Variants in DACH1 observed in about 807,000 individuals in gnomAD.
DACH1 encodes dachshund family transcription factor 1, also known as dachshund homolog 1.
A neutral mutation model predicts 54.2 loss-of-function variants in DACH1; 12 were observed. That is an observed-to-expected ratio of 0.22 (90% CI 0.14 to 0.36). DACH1 has a LOEUF of 0.36. Ranked by LOEUF, DACH1 falls within the 10% of genes least tolerant of loss-of-function variation. The pLI, the probability that DACH1 is intolerant of heterozygous loss-of-function variation, is 1.00. For synonymous variants in DACH1, 386 were observed against 366.2 expected, an observed-to-expected ratio of 1.05 and a Z score of -0.62; for missense variants, 805 against 929.8, an observed-to-expected ratio of 0.87 and a Z score of 1.75.
At chr13:71,575,565 A>C (rs1401957795) in intron 3 of DACH1, among the ~76,000 whole-genome samples, 1 of 152,100 alleles carries the variant, frequency 6.6e-6, no homozygotes, top group African/African-American at 2.4e-5. Context: ...TATTTTTCAC[A>C]TTATTAAGGT....
chr13:71,734,042 C>T (rs1024096974), intron 1 of DACH1, among the ~76,000 whole-genome samples: 2 of 151,468 alleles, frequency 1.3e-5, no homozygotes, highest in African/African-American at 4.9e-5. Flanking sequence ...GAGCAACACT[C>T]CATCTCAAAA....
At chr13:71,836,107 T>A (rs1049396445) in intron 1 of DACH1, among the ~76,000 whole-genome samples, 1 of 152,040 alleles carries the variant, frequency 6.6e-6, no homozygotes, top group African/African-American at 2.4e-5. Flanking sequence ...TGCTCAATAA[T>A]TGCCTAATAA....
In DACH1 at chr13:71,689,238, T is replaced by G. The variant is rs997321895; in HGVS notation, c.849-7328A>C. Among the ~76,000 whole-genome samples the G allele has an allele frequency of 8.5e-5, 13 of 152,180 alleles. No homozygotes were observed. In the East Asian group the frequency reaches 2.5e-3, roughly 29 times the overall value. ...GTTAGGAAAACAGCAATTCACATAT[T>G]CCACCGGATGCCAGAATGGGGGGCT... On this transcript the variant is annotated intron_variant, in intron 1 of 10. Coordinates refer to ENST00000613252, the MANE Select transcript of DACH1 (RefSeq NM_080759.6).
chr13:71,661,167 A>AT (rs1491513590), intron 2 of DACH1, among the ~76,000 whole-genome samples: 1 of 150,630 alleles, frequency 6.6e-6, no homozygotes, highest in Non-Finnish European at 1.5e-5. Context: ...AGACACATAC[A>AT]TATATATATA....
intron 1 of DACH1, among the ~76,000 whole-genome samples, chr13:71,745,726 C>T (rs553921485): frequency 5.0e-4 from 76 of 152,252 alleles, no homozygotes; most frequent in African/African-American, 1.8e-3. Flanking sequence ...ATTTCACCAA[C>T]TGGAGTAAGA....
chr13:71,840,441 G>C (rs893344561), intron 1 of DACH1, among the ~76,000 whole-genome samples: 1 of 151,876 alleles, frequency 6.6e-6, no homozygotes, highest in African/African-American at 2.4e-5. Flanking sequence ...TATCACAGAG[G>C]GCCCTTCTTG....
intron 1 of DACH1, among the ~76,000 whole-genome samples, chr13:71,685,962 T>C (rs1881139238): frequency 6.6e-6 from 1 of 152,168 alleles, no homozygotes; most frequent in African/African-American, 2.4e-5. Flanking sequence ...AAAACTTAAC[T>C]GAAAAGAGGA....
chr13:71,768,426 T>G (rs2138028402), intron 1 of DACH1, among the ~76,000 whole-genome samples: 1 of 152,150 alleles, frequency 6.6e-6, no homozygotes, highest in South Asian at 2.1e-4. Flanking sequence ...TGCCTTTCTT[T>G]TCTTTCCTCT....
Position 71,438,639 on chromosome 13 carries a change from A to T in DACH1, c.*2016T>A, listed in dbSNP as rs1156694082. 6.6e-6 allele frequency: 1 copy of T among 152,436 alleles called. No individual in the cohort carries two copies. Among genetic ancestry groups the T allele is most frequent in the East Asian group, 1.9e-4 (1 of 5,194 alleles). The allele number at this position is 152,436 out of a possible 1,614,324, so 9.4% of individuals were successfully genotyped here. Reference sequence around the variant, plus strand: ...TATGCCAGGAGCAGAGCAATGGCTGATTCTACTACATATGTAAGTTGTAGG... The same window carrying T: ...TATGCCAGGAGCAGAGCAATGGCTGTTTCTACTACATATGTAAGTTGTAGG... On this transcript the variant is annotated 3_prime_UTR_variant, in exon 11 of 11. Transcript: ENST00000613252.
rs189494435 is a variant in DACH1, at chr13:71,439,021, A to G, written c.*1634T>C. The G allele has an allele frequency of 6.6e-6, 1 of 152,584 alleles. No homozygotes were observed. The highest frequency in any genetic ancestry group is 2.4e-5 in the African/African-American group (1 of 41,570). The allele number at this position is 152,584 out of a possible 1,614,324, so 9.5% of individuals were successfully genotyped here. A position where few individuals can be genotyped will look rare whatever the true frequency, so the allele number is the denominator to read the frequency against. On this transcript the variant is annotated 3_prime_UTR_variant, in exon 11 of 11. Coordinates refer to ENST00000613252, the MANE Select transcript of DACH1 (RefSeq NM_080759.6). ...TGTTCCAGTATTGCAAGGAAGACCT[A>G]AAAGGTATAGAAGCGTAATGCCAGA...
At chr13:71,441,990 C>T (rs1283721139) in intron 10 of DACH1, among the ~76,000 whole-genome samples, 1 of 151,994 alleles carries the variant, frequency 6.6e-6, no homozygotes, top group Non-Finnish European at 1.5e-5. Flanking sequence ...ATAATAATCA[C>T]ATCTGGGTAA....
At chr13:71,709,721 T>C (rs1431871969) in intron 1 of DACH1, among the ~76,000 whole-genome samples, 1 of 152,156 alleles carries the variant, frequency 6.6e-6, no homozygotes, top group African/African-American at 2.4e-5. Context: ...TATGCACATA[T>C]AGAAAAAAGC....
rs543662960 is a variant in DACH1, at chr13:71,466,231, A to T, written c.2083+8910T>A. 1.3e-5 allele frequency among the ~76,000 whole-genome samples: 2 copies of T among 152,270 alleles called. 1 individual carries two copies. The highest frequency in any genetic ancestry group is 4.1e-4 in the South Asian group (2 of 4,832). On this transcript the variant is annotated intron_variant, in intron 10 of 10. Coordinates refer to ENST00000613252, the MANE Select transcript of DACH1 (RefSeq NM_080759.6). ...CATTGATCTTTAGGGTCCCCTGCTA[A>T]TATCTTTCCCAGTTTCCATATATCA...
At chr13:71,681,723 A>G (rs1880904697) in intron 2 of DACH1, 72 bp downstream of exon 2, 2 of 1,040,470 alleles carry the variant, frequency 1.9e-6, no homozygotes, top group African/African-American at 3.2e-5. Flanking sequence ...CGATGTCACC[A>G]CAGATATATA....
At chr13:71,656,945 TATATGCGC>T (rs1180951842) in intron 2 of DACH1, among the ~76,000 whole-genome samples, 2 of 142,558 alleles carry the variant, frequency 1.4e-5, no homozygotes, top group Non-Finnish European at 3.1e-5. Flanking sequence ...TATATATATA[TATATGCGC>T]ATATAAATAT....
intron 6 of DACH1, among the ~76,000 whole-genome samples, chr13:71,490,699 A>G (rs1347189687): frequency 6.6e-6 from 1 of 152,194 alleles, no homozygotes; most frequent in Non-Finnish European, 1.5e-5. Context: ...GATCTTGGAC[A>G]CCATTTACCT....
intron 1 of DACH1, among the ~76,000 whole-genome samples, chr13:71,688,076 A>AT (rs1265653951): frequency 4.6e-5 from 7 of 152,160 alleles, no homozygotes; most frequent in Non-Finnish European, 8.8e-5. Flanking sequence ...TTTCCTTTCC[A>AT]TTTGAGTTCT....
chr13:71,714,510 T>C (rs1435953225), intron 1 of DACH1, among the ~76,000 whole-genome samples: 1 of 152,112 alleles, frequency 6.6e-6, no homozygotes, highest in African/African-American at 2.4e-5. Flanking sequence ...TTGAAATTCA[T>C]TTTTGTAGGT....
chr13:71,816,611 TATATACACGTGTATATATAC>T (rs1887946928), intron 1 of DACH1, among the ~76,000 whole-genome samples: 2 of 93,154 alleles, frequency 2.1e-5, no homozygotes, highest in Non-Finnish European at 4.7e-5. Context: ...TGTGTGTATA[TATATACACGTGTATATATAC>T]ACACACATAT....
Sources: gnomAD v4.1 joint callset for allele counts (sites outside exome capture counted in the v4.1 genomes callset) on GRCh38, gnomAD v4.1.1 for gene constraint, MANE v1.5 for transcripts, NCBI Gene and HGNC (gene_info 2026-07-23, HGNC 2026-07-21) for gene names.